NFATC2: variants seen among roughly 807,000 people sequenced by gnomAD.
The protein encoded by NFATC2 is nuclear factor of activated T cells 2.
In NFATC2, 22 loss-of-function variants were observed where a neutral mutation model predicts 87.3. The ratio of observed to expected loss-of-function variants is 0.25; its 90% CI spans 0.18 to 0.36. The LOEUF is 0.36. Ranked by LOEUF, NFATC2 falls within the 10% of genes least tolerant of loss-of-function variation. The pLI is 1.00. For missense variants in NFATC2, 1,149 were observed against 1,259.1 expected (o/e 0.91, Z 1.32); for synonymous variants, 565 against 542.2 (o/e 1.04, Z -0.58).
chr20:51,553,235 G>T (rs2076949113), intron 1 of NFATC2, among the ~76,000 whole-genome samples: 1 of 152,134 alleles, frequency 6.6e-6, no homozygotes, highest in African/African-American at 2.4e-5. Flanking sequence ...CACCTGCCGG[G>T]AGCCTGTGAG....
chr20:51,402,160 G>A lies in NFATC2; in HGVS notation c.2723-3430C>T, dbSNP rs55831019. On this transcript the variant is annotated intron_variant, in intron 9 of 10. Coordinates refer to ENST00000371564, the MANE Select transcript of NFATC2 (RefSeq NM_012340.5). ...GATTGCACATCAACTTACAATCTACGGAGAAACAATTGGTGACTTTCTCAA... is the reference window on the plus strand; with the variant it reads ...GATTGCACATCAACTTACAATCTACAGAGAAACAATTGGTGACTTTCTCAA... 4.9e-3 allele frequency among the ~76,000 whole-genome samples: 742 copies of A among 152,200 alleles called. 7 individuals carry two copies. Among genetic ancestry groups the A allele is most frequent in the African/African-American group, 0.017 (691 of 41,530 alleles).
At chr20:51,536,895 C>G (rs922607446) in intron 1 of NFATC2, among the ~76,000 whole-genome samples, 4 of 111,108 alleles carry the variant, frequency 3.6e-5, no homozygotes, top group Non-Finnish European at 8.2e-5. Context: ...TTAGCAAGCA[C>G]CAAACACACA....
chr20:51,540,663 T>TTTTTTTTTTTTTTTTTTTTTTTTTTG (rs1555818354), intron 1 of NFATC2, among the ~76,000 whole-genome samples: 6 of 135,768 alleles, frequency 4.4e-5, no homozygotes, highest in African/African-American at 1.1e-4. Context: ...TTTTTGTTTT[T>TTTTTTTTTTTTTTTTTTTTTTTTTTG]TTTTTTTTGA....
chr20:51,483,340 C>T (rs1253057212), intron 3 of NFATC2, among the ~76,000 whole-genome samples: 3 of 96,438 alleles, frequency 3.1e-5, no homozygotes, highest in Admixed American at 1.3e-4. Flanking sequence ...AAAACATTAA[C>T]GATGTTAAGT....
intron 3 of NFATC2, among the ~76,000 whole-genome samples, chr20:51,505,657 C>T (rs1300719257): frequency 2.6e-5 from 4 of 152,138 alleles, no homozygotes; most frequent in Non-Finnish European, 4.4e-5. Flanking sequence ...AATGCTTTTA[C>T]GTTCAGCTCT....
chr20:51,556,071 C>T (rs1021737216), intron 1 of NFATC2, among the ~76,000 whole-genome samples: 3 of 152,210 alleles, frequency 2.0e-5, no homozygotes, highest in Non-Finnish European at 2.9e-5. Flanking sequence ...CACATGCACT[C>T]GGGAAGAAGG....
intron 6 of NFATC2, among the ~76,000 whole-genome samples, chr20:51,453,179 A>C (rs1390337678): frequency 6.6e-6 from 1 of 152,252 alleles, no homozygotes; most frequent in Non-Finnish European, 1.5e-5. Flanking sequence ...CAACTGTGAG[A>C]ATGCAGTTGT....
Position 51,404,443 on chromosome 20 carries a change from A to G in NFATC2, c.2723-5713T>C, listed in dbSNP as rs768403671. Among the ~76,000 whole-genome samples, 9 of 152,234 alleles carry G rather than the reference A, an allele frequency of 5.9e-5. No individual in the cohort carries two copies. In the South Asian group the frequency reaches 8.3e-4, roughly 14 times the overall value. On this transcript the variant is annotated intron_variant, in intron 9 of 10. Transcript: ENST00000371564. ...AGGCACATCATAAGAACTCTGTACC[A>G]CATTACTTGTTTTGGGAATCAGAGC...
intron 3 of NFATC2, among the ~76,000 whole-genome samples, chr20:51,503,803 T>C (rs1479220473): frequency 6.6e-6 from 1 of 152,214 alleles, no homozygotes; most frequent in African/African-American, 2.4e-5. Flanking sequence ...CTGAACAACC[T>C]GATGAAGAAA....
intron 9 of NFATC2, among the ~76,000 whole-genome samples, chr20:51,422,983 A>AT (rs1981180830): frequency 1.3e-5 from 2 of 151,424 alleles, no homozygotes; most frequent in Non-Finnish European, 2.9e-5. Flanking sequence ...AGTTATGTAG[A>AT]TTTTTTAACA....
intron 1 of NFATC2, among the ~76,000 whole-genome samples, chr20:51,551,686 G>T (rs1015021129): frequency 1.6e-5 from 1 of 62,062 alleles, no homozygotes; most frequent in Non-Finnish European, 2.5e-5. Context: ...TTATCATGGA[G>T]TTTTGGCATG....
Position 51,475,538 on chromosome 20 carries a change from G to A in NFATC2, c.1455C>T (p.Thr485=). ...QVHRITGKTV[T]TTSYEKIVGN... ...CCACTATCTTCTCATAGCTGGTGGT[G>A]GTGACAGTTTTCCCCGTGATTCGGT... The change falls in exon 4 of 11, where the codon ACC becomes ACT. Residue 485 remains threonine, a synonymous_variant. Coordinates refer to ENST00000371564, the MANE Select transcript of NFATC2 (RefSeq NM_012340.5). The A allele has an allele frequency of 1.2e-6, 2 of 1,614,088 alleles. No individual in the cohort carries two copies. The highest frequency in any genetic ancestry group is 2.2e-5 in the South Asian group (2 of 91,066).
At chr20:51,562,774 C>T, upstream of NFATC2, 1 of 668,378 alleles carries the variant, frequency 1.5e-6, no homozygotes, top group Non-Finnish European at 2.4e-6. The surrounding 1 kb of genome is among the most constrained non-coding windows in gnomAD (Gnocchi z 5.8). Context: ...GAGCTGCGCG[C>T]CTCCCGGCTC....
intron 6 of NFATC2, among the ~76,000 whole-genome samples, chr20:51,442,166 T>C (rs568805894): frequency 1.4e-4 from 21 of 152,270 alleles, no homozygotes; most frequent in African/African-American, 5.1e-4. Context: ...GCACGGTGGC[T>C]CACGCCTGTA....
rs201717249 is a variant in NFATC2 at position 51,454,582 on chromosome 20, G to A, written c.1815C>T (p.Ser605=). Residue 605 remains serine (S), a synonymous_variant, in exon 6 of 11, where the codon TCC becomes TCT. Coordinates refer to ENST00000371564, the MANE Select transcript of NFATC2 (RefSeq NM_012340.5). ...TCTCAGTAAACACAACTTTGGACTC[G>A]GATGTAAAGTTCTGCCCCGTGAGGA... ...QMILTGQNFT[S]ESKVVFTEKT... 30 of 1,614,044 alleles carry A rather than the reference G, an allele frequency of 1.9e-5. No individual in the cohort carries two copies. In the East Asian group the frequency reaches 3.6e-4, roughly 19 times the overall value.
intron 9 of NFATC2, among the ~76,000 whole-genome samples, chr20:51,418,029 C>A (rs1477668729): frequency 6.6e-6 from 1 of 152,184 alleles, no homozygotes. Flanking sequence ...GGCTCTGAAT[C>A]AAGCTTCCTT....
chr20:51,492,484 C>T (rs778536960), intron 3 of NFATC2, among the ~76,000 whole-genome samples: 68 of 152,328 alleles, frequency 4.5e-4, no homozygotes, highest in Middle Eastern at 3.4e-3. Context: ...CAACAAAAAC[C>T]CCGCCCAGCC....
intron 9 of NFATC2, chr20:51,399,039 G>A: frequency 3.9e-6 from 1 of 253,768 alleles, no homozygotes; most frequent in Non-Finnish European, 7.6e-6. Context: ...TTCAAATCAT[G>A]GCCAACTACA....
In NFATC2 at chr20:51,408,217, T is replaced by C. The variant is rs150477038; in HGVS notation, c.2723-9487A>G. On this transcript the variant is annotated intron_variant, in intron 9 of 10. Coordinates refer to ENST00000371564, the MANE Select transcript of NFATC2 (RefSeq NM_012340.5). ...TTTAGCAGCCTTTGAAAAAACACCA[T>C]AAAAATTCAATACTGGCCAGGTGTG... Among the ~76,000 whole-genome samples, 598 of 152,062 alleles carry C rather than the reference T, an allele frequency of 3.9e-3. 3 individuals are homozygous for C. The highest frequency in any genetic ancestry group is 0.014 in the African/African-American group (569 of 41,454).
Sources: gnomAD v4.1 joint callset for allele counts (sites outside exome capture counted in the v4.1 genomes callset) on GRCh38, gnomAD v4.1.1 for gene constraint, Gnocchi (gnomAD v3.1) non-coding constraint, MANE v1.5 for transcripts, NCBI Gene and HGNC (gene_info 2026-07-23, HGNC 2026-07-21) for gene names.